Variants in DCT observed in about 807,000 individuals in gnomAD.
The protein encoded by DCT is dopachrome tautomerase.
DCT carries 47 observed loss-of-function variants against 53.0 expected under a neutral mutation model. The ratio of observed to expected loss-of-function variants is 0.89; its 90% confidence interval spans 0.70 to 1.13. The LOEUF (loss-of-function observed/expected upper bound fraction) is 1.13, where lower values mean the gene tolerates loss of function less well. Ranked by LOEUF, DCT falls within the 50% of genes most tolerant of loss-of-function variation. DCT has a pLI of 0.00. For missense variants in DCT, 669 were observed against 637.4 expected (o/e 1.05, Z -0.53); for synonymous variants, 244 against 237.0 (o/e 1.03, Z -0.27).
rs113354694 is a variant in DCT at position 94,462,502 on chromosome 13, GAA to G, written c.864-315_864-314del. 4.3e-3 allele frequency among the ~76,000 whole-genome samples: 567 copies of G among 133,164 alleles called. 2 individuals carry two copies. Among genetic ancestry groups the G allele is most frequent in the Middle Eastern group, 0.016 (4 of 246 alleles). 87.4% of individuals were successfully genotyped at this position (133,164 alleles called of 152,430 possible). A position where few individuals can be genotyped will look rare whatever the true frequency, so the allele number is the denominator to read the frequency against. On this transcript the variant is annotated intron_variant, in intron 4 of 7. Coordinates refer to ENST00000377028, the MANE Select transcript of DCT (RefSeq NM_001922.5). ...GTGACAGAGTGAGACCCTGTCTCAA[GAA>G]AAAAAAAAAATCCCCCAAAACAAAA...
At chr13:94,537,869 T>C in the DCT span, among the ~76,000 whole-genome samples, 5 of 151,988 alleles carry the variant, frequency 3.3e-5, no homozygotes, top group African/African-American at 9.7e-5. Flanking sequence ...GGAAATATAA[T>C]AAAAACAAGT....
chr13:94,535,768 GAC>G, the DCT span, among the ~76,000 whole-genome samples: 1 of 152,196 alleles, frequency 6.6e-6, no homozygotes, highest in Non-Finnish European at 1.5e-5. Context: ...TTGGAGCAAA[GAC>G]AGAAAATTCT....
chr13:94,472,867 C>T (rs1417554190), intron 1 of DCT, among the ~76,000 whole-genome samples: 1 of 151,876 alleles, frequency 6.6e-6, no homozygotes, highest in African/African-American at 2.4e-5. Context: ...CAGGCATGAG[C>T]CACCGCACCC....
At chr13:94,469,383 G>T (rs984951274) in intron 1 of DCT, among the ~76,000 whole-genome samples, 2 of 152,112 alleles carry the variant, frequency 1.3e-5, no homozygotes, top group Non-Finnish European at 2.9e-5. Flanking sequence ...GTAATTAAGG[G>T]TAAATGAGGT....
intron 1 of DCT, among the ~76,000 whole-genome samples, chr13:94,469,845 C>A (rs111392533): frequency 6.6e-6 from 1 of 152,118 alleles, no homozygotes; most frequent in African/African-American, 2.4e-5. Flanking sequence ...GAGGCCGAGG[C>A]GGGCAGATCA....
At position 94,478,989 on chromosome 13, in the gene DCT, T is replaced by C; in HGVS notation, c.267A>G (p.Lys89=). 6.2e-7 allele frequency: 1 copy of C among 1,612,464 alleles called. No individual in the cohort carries two copies. Among genetic ancestry groups the C allele is most frequent in the Non-Finnish European group, 8.5e-7 (1 of 1,178,704 alleles). The change falls in exon 1 of 8, where the codon AAA becomes AAG. Residue 89 remains lysine (K), a synonymous_variant. Transcript: ENST00000377028. The part of the protein sequence containing the change: ...NQDDRELWPR[K]FFHRTCKCTG... Reference sequence around the variant, plus strand: ...TGCACTTGCAGGTCCGGTGGAAGAATTTTCTTGGCCACAGCTCACGGTCAT... The same window carrying C: ...TGCACTTGCAGGTCCGGTGGAAGAACTTTCTTGGCCACAGCTCACGGTCAT...
chr13:94,490,080 C>T, the DCT span, among the ~76,000 whole-genome samples: 1 of 152,192 alleles, frequency 6.6e-6, no homozygotes, highest in East Asian at 1.9e-4. Flanking sequence ...TAGGAGCCCT[C>T]TTACTAATTT....
chr13:94,463,720 G>A (rs1883973022), intron 4 of DCT, among the ~76,000 whole-genome samples: 1 of 152,154 alleles, frequency 6.6e-6, no homozygotes, highest in Admixed American at 6.5e-5. Flanking sequence ...CACTGGCAGA[G>A]ATAAAAATTT....
chr13:94,514,066 C>T, the DCT span, among the ~76,000 whole-genome samples: 12 of 150,096 alleles, frequency 8.0e-5, no homozygotes, highest in East Asian at 5.9e-4. Context: ...GGATTGGCGA[C>T]GGGGCAACCA....
chr13:94,465,360 G>GC, intron 4 of DCT: 2 of 228,500 alleles, frequency 8.8e-6, no homozygotes, highest in South Asian at 2.3e-4. Context: ...GGCAAAAACC[G>GC]CAATTACATT....
the DCT span, among the ~76,000 whole-genome samples, chr13:94,539,238 T>C: frequency 2.6e-5 from 4 of 152,170 alleles, no homozygotes; most frequent in African/African-American, 7.2e-5. Flanking sequence ...GCCCAGAGCA[T>C]AGCAGACGGC....
chr13:94,493,280 C>G, the DCT span, among the ~76,000 whole-genome samples: 1,145 of 152,140 alleles, frequency 7.5e-3, 14 homozygotes, highest in African/African-American at 0.026. Flanking sequence ...TGCCTGCCCC[C>G]CACGACTTAT....
chr13:94,518,612 A>C, the DCT span, among the ~76,000 whole-genome samples: 64 of 152,252 alleles, frequency 4.2e-4, no homozygotes, highest in East Asian at 0.011. Context: ...CTTTTTACCA[A>C]TGTAATATTC....
chr13:94,527,837 C>T, the DCT span, among the ~76,000 whole-genome samples: 1 of 152,092 alleles, frequency 6.6e-6, no homozygotes, highest in African/African-American at 2.4e-5. Context: ...TAACAAACTT[C>T]TCCAAGCTAA....
At chr13:94,518,922 T>C in the DCT span, among the ~76,000 whole-genome samples, 1 of 152,356 alleles carries the variant, frequency 6.6e-6, no homozygotes, top group Non-Finnish European at 1.5e-5. Context: ...GCAGTCTTGC[T>C]GGCCTTATCT....
intron 1 of DCT, among the ~76,000 whole-genome samples, chr13:94,473,289 CA>C (rs1338897164): frequency 6.6e-6 from 1 of 152,148 alleles, no homozygotes; most frequent in Non-Finnish European, 1.5e-5. Flanking sequence ...ATGAGATATT[CA>C]ATACCTTATT....
At chr13:94,489,451 T>C in the DCT span, among the ~76,000 whole-genome samples, 1 of 152,204 alleles carries the variant, frequency 6.6e-6, no homozygotes, top group African/African-American at 2.4e-5. Flanking sequence ...AAGATGAAGA[T>C]ATCTACTTAA....
At chr13:94,540,530 C>A in the DCT span, among the ~76,000 whole-genome samples, 23 of 152,106 alleles carry the variant, frequency 1.5e-4, no homozygotes, top group African/African-American at 5.6e-4. Flanking sequence ...AGAAGACAAA[C>A]GCATGGCCAA....
chr13:94,458,457 G>A (rs79563184), intron 6 of DCT, among the ~76,000 whole-genome samples: 7,878 of 152,124 alleles, frequency 0.052, 297 homozygotes, highest in Non-Finnish European at 0.079. Context: ...GCCCTGACTC[G>A]TATTTCCCCA....
Sources: allele counts gnomAD v4.1 joint callset (sites outside exome capture counted in the v4.1 genomes callset), GRCh38; gene constraint gnomAD v4.1.1; transcripts MANE v1.5; gene names NCBI Gene and HGNC (gene_info 2026-07-23, HGNC 2026-07-21).